LRRC7: variants seen among roughly 807,000 people sequenced by gnomAD.
LRRC7 encodes leucine-rich repeat-containing protein 7.
LRRC7 carries 23 observed loss-of-function variants against 175.7 expected under a neutral mutation model. The ratio of observed to expected loss-of-function variants is 0.13; its 90% CI spans 0.09 to 0.19. The LOEUF (loss-of-function observed/expected upper bound fraction) is 0.19, where lower values mean the gene tolerates loss of function less well. Ranked by LOEUF, LRRC7 falls within the 10% of genes least tolerant of loss-of-function variation. The pLI is 1.00. For synonymous variants in LRRC7, 685 were observed against 680.9 expected (o/e 1.01, Z -0.09); for missense variants, 1,354 against 1,904.7 (o/e 0.71, Z 5.38).
chr1:69,827,909 C>A (rs1398812241), intron 5 of LRRC7, among the ~76,000 whole-genome samples: 6 of 152,084 alleles, frequency 3.9e-5, no homozygotes, highest in South Asian at 4.1e-4. Flanking sequence ...AGTCATGTGA[C>A]CATCTCCATA....
intron 1 of LRRC7, among the ~76,000 whole-genome samples, chr1:69,634,991 T>C (rs951050920): frequency 7.2e-5 from 11 of 152,122 alleles, no homozygotes; most frequent in African/African-American, 2.7e-4. Context: ...GTTTGTTACA[T>C]AGACAAAGTT....
At chr1:69,663,353 C>T (rs1396074621) in intron 1 of LRRC7, among the ~76,000 whole-genome samples, 1 of 151,978 alleles carries the variant, frequency 6.6e-6, no homozygotes, top group Non-Finnish European at 1.5e-5. Flanking sequence ...TTTAAGGACA[C>T]ATAGTAGATG....
At chr1:70,102,901 T>A (rs1664893257) in intron 25 of LRRC7, among the ~76,000 whole-genome samples, 1 of 152,012 alleles carries the variant, frequency 6.6e-6, no homozygotes, top group African/African-American at 2.4e-5. Flanking sequence ...GACCACTGCT[T>A]GCACAGTGTG....
At chr1:69,983,341 C>T (rs1653627598) in intron 9 of LRRC7, among the ~76,000 whole-genome samples, 1 of 152,216 alleles carries the variant, frequency 6.6e-6, no homozygotes, top group African/African-American at 2.4e-5. Flanking sequence ...TATGTGCCCT[C>T]CAAATGGACT....
intron 3 of LRRC7, among the ~76,000 whole-genome samples, chr1:69,786,754 G>C (rs1674493497): frequency 1.3e-5 from 2 of 151,990 alleles, no homozygotes; most frequent in Admixed American, 1.3e-4. Context: ...CCTCCCACTG[G>C]GTCCCTCTAA....
chr1:69,720,229 C>T (rs1171246588), intron 2 of LRRC7, among the ~76,000 whole-genome samples: 1 of 151,438 alleles, frequency 6.6e-6, no homozygotes, highest in Non-Finnish European at 1.5e-5. Flanking sequence ...TAAACAGATA[C>T]TTCTTGTTAT....
At chr1:70,041,315 T>A (rs1659876568) in intron 21 of LRRC7, among the ~76,000 whole-genome samples, 1 of 152,224 alleles carries the variant, frequency 6.6e-6, no homozygotes, top group African/African-American at 2.4e-5. Flanking sequence ...CAATTTTTTT[T>A]AGGGAAGGAG....
intron 23 of LRRC7, among the ~76,000 whole-genome samples, chr1:70,056,930 C>CTTTT (rs1661199129): frequency 6.6e-6 from 1 of 152,106 alleles, no homozygotes; most frequent in Non-Finnish European, 1.5e-5. Flanking sequence ...ATAAGTATGA[C>CTTTT]TAAAGGCTCC....
intron 4 of LRRC7, among the ~76,000 whole-genome samples, chr1:69,807,524 C>G (rs1677273258): frequency 6.6e-6 from 1 of 152,074 alleles, no homozygotes; most frequent in Admixed American, 6.6e-5. Context: ...ATTTGCTTGT[C>G]TGTAAAGGGT....
chr1:69,953,022 A>G (rs1427279088), intron 8 of LRRC7, among the ~76,000 whole-genome samples: 3 of 148,570 alleles, frequency 2.0e-5, no homozygotes, highest in South Asian at 2.1e-4. Flanking sequence ...AAAAAAAAGT[A>G]TATATTGTCA....
chr1:69,630,339 G>A (rs1417274936), intron 1 of LRRC7, among the ~76,000 whole-genome samples: 4 of 152,074 alleles, frequency 2.6e-5, no homozygotes, highest in Admixed American at 6.6e-5. Context: ...AGTAAAATTA[G>A]CACATATTTC....
chr1:70,125,636 C>CA lies in LRRC7; in HGVS notation c.*3755dup, dbSNP rs1469811685. On this transcript the variant is annotated 3_prime_UTR_variant, in exon 27 of 27. Coordinates refer to ENST00000651989, the MANE Select transcript of LRRC7 (RefSeq NM_001370785.2). Reference sequence around the variant, plus strand: ...TGAAACCCCGTCTCTACTAAAAATACAAAAAATTAGCCGGGCGTAGTGGCG... The same window carrying CA: ...TGAAACCCCGTCTCTACTAAAAATACAAAAAAATTAGCCGGGCGTAGTGGCG... 1.3e-5 allele frequency among the ~76,000 whole-genome samples: 2 copies of CA among 151,032 alleles called. No homozygotes were observed. Among genetic ancestry groups the CA allele is most frequent in the African/African-American group, 4.9e-5 (2 of 41,186 alleles).
chr1:69,622,846 T>A (rs1037595825), intron 1 of LRRC7, among the ~76,000 whole-genome samples: 2 of 151,660 alleles, frequency 1.3e-5, no homozygotes, highest in African/African-American at 4.8e-5. Flanking sequence ...ACTTGGCAAA[T>A]GAAAACTCAA....
Position 69,833,517 on chromosome 1 carries a change from CACAT to C in LRRC7, c.501-1251_501-1248del, listed in dbSNP as rs532834182. ...TTTTATACGTATATGTACGTACACA[CACAT>C]ACATACATACAAATGCAAATATTAT... is the stretch of plus-strand genomic sequence containing the variant. On this transcript the variant is annotated intron_variant, in intron 5 of 26. Coordinates refer to ENST00000651989, the MANE Select transcript of LRRC7 (RefSeq NM_001370785.2). Among the ~76,000 whole-genome samples, 104 of 152,024 alleles carry C rather than the reference CACAT, an allele frequency of 6.8e-4. 1 individual carries two copies. Among genetic ancestry groups the C allele is most frequent in the Non-Finnish European group, 1.1e-3 (78 of 67,994 alleles).
At position 69,568,155 on chromosome 1, in the gene LRRC7, G is replaced by T. The variant is rs893629154; in HGVS notation, c.-485G>T. Reference sequence around the variant, plus strand: ...GGGGATCCTCGCCCTGCACAGGCGCGGCAACGGGCAGGGGTTGTTACGGAG... The same window carrying T: ...GGGGATCCTCGCCCTGCACAGGCGCTGCAACGGGCAGGGGTTGTTACGGAG... On this transcript the variant is annotated 5_prime_UTR_variant, in exon 1 of 27. Transcript: ENST00000651989. Among the ~76,000 whole-genome samples the T allele has an allele frequency of 6.6e-6, 1 of 152,222 alleles. No homozygotes were observed. Among genetic ancestry groups the T allele is most frequent in the Middle Eastern group, 3.4e-3 (1 of 294 alleles).
At position 70,124,496 on chromosome 1, in the gene LRRC7, G is replaced by C. The variant is rs1237416439; in HGVS notation, c.*2609G>C. The stretch of plus-strand genomic sequence containing the variant: ...GCTGAGATTGTGCCACTGCACTCCG[G>C]CCTGGGCAACAGAGCGAAACTCTGT... On this transcript the variant is annotated 3_prime_UTR_variant, in exon 27 of 27. Transcript: ENST00000651989. Among the ~76,000 whole-genome samples, 1 of 152,128 alleles carries C rather than the reference G, an allele frequency of 6.6e-6. No homozygotes were observed. The highest frequency in any genetic ancestry group is 1.9e-4 in the East Asian group (1 of 5,186).
chr1:69,888,738 A>T (rs1308366986), intron 7 of LRRC7, among the ~76,000 whole-genome samples: 2 of 152,136 alleles, frequency 1.3e-5, no homozygotes, highest in African/African-American at 2.4e-5. Flanking sequence ...AAACAGACAG[A>T]AGCCGAGAGT....
chr1:69,640,259 G>A (rs187985558), intron 1 of LRRC7, among the ~76,000 whole-genome samples: 1 of 151,788 alleles, frequency 6.6e-6, no homozygotes, highest in Non-Finnish European at 1.5e-5. Flanking sequence ...CTCTCAGAAT[G>A]TTATAATGGT....
chr1:69,770,381 C>G (rs137969022), intron 3 of LRRC7, among the ~76,000 whole-genome samples: 58 of 152,112 alleles, frequency 3.8e-4, no homozygotes, highest in Non-Finnish European at 6.9e-4. Flanking sequence ...TATTTGAAAA[C>G]AAGGACACTT....
Sources: gnomAD v4.1 joint callset for allele counts (sites outside exome capture counted in the v4.1 genomes callset) on GRCh38, gnomAD v4.1.1 for gene constraint, MANE v1.5 for transcripts, NCBI Gene and HGNC (gene_info 2026-07-23, HGNC 2026-07-21) for gene names.